The following ZC4H2 variants were observed in gnomAD, a reference collection of about 807,000 sequenced individuals.
ZC4H2 encodes zinc finger C4H2 domain-containing protein.
For missense variants in ZC4H2, 137 were observed against 173.9 expected (o/e 0.79, Z 1.19); for synonymous variants, 84 against 66.3 (o/e 1.27, Z -1.30).
intron 1 of ZC4H2, among the ~76,000 whole-genome samples, chrX:64,936,809 C>T (rs1930032126): frequency 8.9e-6 from 1 of 111,763 alleles, no homozygotes; most frequent in Admixed American, 9.5e-5. Context: ...GTACCAGTCA[C>T]TGCAAAAACA....
At chrX:65,007,290 T>C (rs144889091) in intron 1 of ZC4H2, among the ~76,000 whole-genome samples, 4,227 of 112,402 alleles carry the variant, frequency 0.038, 188 homozygotes, top group African/African-American at 0.13. Flanking sequence ...CATTTGAATC[T>C]AGTAATGTTG....
intron 1 of ZC4H2, among the ~76,000 whole-genome samples, chrX:64,940,179 A>G (rs1455421327): frequency 1.8e-5 from 2 of 111,730 alleles, no homozygotes; most frequent in Non-Finnish European, 3.8e-5. Flanking sequence ...GCTTTTCTTC[A>G]TATGTTTGTT....
chrX:64,958,476 C>A (rs936254661), intron 1 of ZC4H2, among the ~76,000 whole-genome samples: 4 of 111,863 alleles, frequency 3.6e-5, no homozygotes, highest in Non-Finnish European at 7.5e-5. Flanking sequence ...ATGGTTTTCA[C>A]ACAGCAATCT....
At chrX:64,997,265 A>T (rs752846391) in intron 1 of ZC4H2, among the ~76,000 whole-genome samples, 2 of 112,488 alleles carry the variant, frequency 1.8e-5, no homozygotes, top group East Asian at 5.6e-4. Flanking sequence ...TTTAAGGATG[A>T]TGGCACTATC....
At chrX:64,968,501 A>G (rs1931667273) in intron 1 of ZC4H2, among the ~76,000 whole-genome samples, 1 of 111,745 alleles carries the variant, frequency 8.9e-6, no homozygotes, top group African/African-American at 3.2e-5. Flanking sequence ...GGAAAGTAGG[A>G]CTCAGTGTAG....
intron 1 of ZC4H2, among the ~76,000 whole-genome samples, chrX:65,015,683 A>G (rs982709160): frequency 1.2e-4 from 13 of 111,932 alleles, no homozygotes; most frequent in African/African-American, 4.2e-4. Flanking sequence ...TGCACTTCCT[A>G]TACATATTTC....
At chrX:65,014,805 T>C (rs1301031887) in intron 1 of ZC4H2, among the ~76,000 whole-genome samples, 1 of 112,254 alleles carries the variant, frequency 8.9e-6, no homozygotes, top group Non-Finnish European at 1.9e-5. Flanking sequence ...TTAAAGAACA[T>C]TTATGAACAT....
chrX:64,937,023 C>T (rs188072008), intron 1 of ZC4H2, among the ~76,000 whole-genome samples: 120 of 109,980 alleles, frequency 1.1e-3, no homozygotes, highest in African/African-American at 3.8e-3. Flanking sequence ...TCAGGGGACC[C>T]ATCTCACATG....
At chrX:64,989,829 T>C (rs1169905204) in intron 1 of ZC4H2, among the ~76,000 whole-genome samples, 1 of 111,945 alleles carries the variant, frequency 8.9e-6, no homozygotes, top group Non-Finnish European at 1.9e-5. Flanking sequence ...CAATGCAATA[T>C]CGCTATAACC....
intron 1 of ZC4H2, among the ~76,000 whole-genome samples, chrX:65,024,020 A>G (rs1027887364): frequency 1.8e-5 from 2 of 110,646 alleles, no homozygotes; most frequent in Non-Finnish European, 3.8e-5. Context: ...GAAACCAAAC[A>G]CCACTTGTTC....
At chrX:64,967,832 G>C (rs932736968) in intron 1 of ZC4H2, among the ~76,000 whole-genome samples, 1 of 112,021 alleles carries the variant, frequency 8.9e-6, no homozygotes, top group Admixed American at 9.4e-5. Context: ...TTATATACAC[G>C]AGGGCTTTCT....
intron 1 of ZC4H2, among the ~76,000 whole-genome samples, chrX:65,025,422 T>C (rs962833526): frequency 3.6e-5 from 4 of 111,157 alleles, no homozygotes; most frequent in Non-Finnish European, 5.7e-5. Flanking sequence ...CATAATCGTA[T>C]TGCTTTCCTT....
chrX:64,999,494 C>T (rs1932492413), intron 1 of ZC4H2, among the ~76,000 whole-genome samples: 1 of 112,507 alleles, frequency 8.9e-6, no homozygotes, highest in South Asian at 3.6e-4. Context: ...CCCTGGATTT[C>T]AAGCACAAAG....
At chrX:64,923,236 A>T (rs777280267) in intron 1 of ZC4H2, among the ~76,000 whole-genome samples, 65 of 112,075 alleles carry the variant, frequency 5.8e-4, no homozygotes, top group African/African-American at 2.1e-3. Flanking sequence ...GTGACTAAAT[A>T]AGAAAAAGAT....
In ZC4H2 at chrX:64,964,385, A is replaced by G. The variant is rs186897240; in HGVS notation, c.53+11940T>C. Among the ~76,000 whole-genome samples, 5 of 111,462 alleles carry G rather than the reference A, an allele frequency of 4.5e-5. No individual in the cohort carries two copies. In the Admixed American group the frequency reaches 4.8e-4, roughly 11 times the overall value. On this transcript the variant is annotated intron_variant, in intron 1 of 4. Transcript: ENST00000374839. ...AGATTCATCAAGCTCCAAGCATAAA[A>G]TCCATAAAGAACATCACACCAAGCT...
chrX:64,991,203 C>T (rs1227265975), intron 1 of ZC4H2, among the ~76,000 whole-genome samples: 1 of 111,580 alleles, frequency 9.0e-6, no homozygotes, highest in Non-Finnish European at 1.9e-5. Context: ...CATTTTAAAT[C>T]TCCCTATCTC....
At chrX:65,019,444 C>T (rs1932820215) in intron 1 of ZC4H2, among the ~76,000 whole-genome samples, 1 of 111,925 alleles carries the variant, frequency 8.9e-6, no homozygotes, top group Non-Finnish European at 1.9e-5. Flanking sequence ...AGCAGAGGGG[C>T]CTGACTGTTA....
chrX:64,977,847 A>C (rs1032901326), upstream of ZC4H2, among the ~76,000 whole-genome samples: 1 of 111,870 alleles, frequency 8.9e-6, no homozygotes, highest in Non-Finnish European at 1.9e-5. Context: ...AGTAATGTTT[A>C]ATTATTTTAT....
At chrX:65,008,871 C>A (rs1932712814) in intron 1 of ZC4H2, among the ~76,000 whole-genome samples, 1 of 111,123 alleles carries the variant, frequency 9.0e-6, no homozygotes, top group Non-Finnish European at 1.9e-5. Context: ...TACAGTTAAA[C>A]AGAAGGAATA....
Sources: allele counts gnomAD v4.1 joint callset (sites outside exome capture counted in the v4.1 genomes callset), GRCh38; gene constraint gnomAD v4.1.1; transcripts MANE v1.5; gene names NCBI Gene and HGNC (gene_info 2026-07-23, HGNC 2026-07-21).